The following ATXN10 variants were observed in gnomAD, a reference collection of about 807,000 sequenced individuals.
The protein encoded by ATXN10 is ataxin 10.
ATXN10 carries 28 observed loss-of-function variants against 52.9 expected under a neutral mutation model. That is an observed-to-expected ratio of 0.53 (90% CI 0.39 to 0.73). ATXN10 has a LOEUF of 0.73. Among genes scored for constraint, ATXN10 ranks in the 30% least tolerant of loss-of-function variants. The pLI is 0.00. For missense variants in ATXN10, 565 were observed against 577.0 expected, an observed-to-expected ratio of 0.98 and a Z score of 0.21; for synonymous variants, 226 against 221.5, an observed-to-expected ratio of 1.02 and a Z score of -0.18.
At chr22:45,839,907 C>T (rs958179571) in intron 10 of ATXN10, among the ~76,000 whole-genome samples, 5 of 152,362 alleles carry the variant, frequency 3.3e-5, no homozygotes, top group East Asian at 1.9e-4. Context: ...GCTGCAGTGC[C>T]GCCATGGCCC....
chr22:45,751,759 AAAAAAATAATAAT>A (rs1346933022), intron 9 of ATXN10, among the ~76,000 whole-genome samples: 6 of 58,068 alleles, frequency 1.0e-4, no homozygotes, highest in African/African-American at 3.7e-4. Context: ...AAAAAATAAA[AAAAAAATAATAAT>A]AATAATAATA....
chr22:45,767,869 A>G (rs1054433670), intron 9 of ATXN10, among the ~76,000 whole-genome samples: 9 of 152,226 alleles, frequency 5.9e-5, no homozygotes, highest in Non-Finnish European at 1.2e-4. Context: ...GTTAGTAGCA[A>G]CGTTGGTATT....
At position 45,732,590 on chromosome 22, in the gene ATXN10, A is replaced by G. The variant is rs547015912; in HGVS notation, c.894+3000A>G. Among the ~76,000 whole-genome samples, 1 of 147,178 alleles carries G rather than the reference A, an allele frequency of 6.8e-6. No individual in the cohort carries two copies. Among genetic ancestry groups the G allele is most frequent in the Non-Finnish European group, 1.5e-5 (1 of 66,900 alleles). ...TATGTCATACTTTTTTTTTTTTTTT[A>G]AAAGAGGACCACTTTGCCAGTATTT... is the stretch of plus-strand genomic sequence containing the variant. On this transcript the variant is annotated intron_variant, in intron 7 of 11. Transcript: ENST00000252934. This position sits in a 1 kb window ranked among gnomAD's most constrained non-coding sequence, Gnocchi z 4.5.
At position 45,787,200 on chromosome 22, in the gene ATXN10, A is replaced by G. The variant is rs375197465; in HGVS notation, c.1174-19759A>G. Among the ~76,000 whole-genome samples the G allele has an allele frequency of 3.7e-4, 56 of 152,222 alleles. 1 individual carries two copies. The South Asian group carries it at 0.011, about 30-fold the overall frequency. On this transcript the variant is annotated intron_variant, in intron 9 of 11. Coordinates refer to ENST00000252934, the MANE Select transcript of ATXN10 (RefSeq NM_013236.4). The surrounding 1 kb of genome is among the most constrained non-coding windows in gnomAD (Gnocchi z 4.2). The stretch of plus-strand genomic sequence containing the variant: ...ATATGTGCATTGAAAAACACAGAGA[A>G]TTTTCATGGATAGGATCTGTCCCCA...
chr22:45,714,009 A>C (rs1368790902), intron 5 of ATXN10, among the ~76,000 whole-genome samples: 3 of 152,196 alleles, frequency 2.0e-5, no homozygotes, highest in African/African-American at 7.2e-5. Flanking sequence ...ATAAATTCAT[A>C]AGTGCAATTC....
intron 9 of ATXN10, among the ~76,000 whole-genome samples, chr22:45,799,674 A>C (rs988590331): frequency 2.0e-5 from 3 of 152,214 alleles, no homozygotes; most frequent in African/African-American, 4.8e-5. Flanking sequence ...TCTACCATCC[A>C]GAAGTGTAAA....
At chr22:45,796,917 G>A (rs1927761932) in intron 9 of ATXN10, among the ~76,000 whole-genome samples, 3 of 152,180 alleles carry the variant, frequency 2.0e-5, no homozygotes. Context: ...ACACTTATAA[G>A]AAAGCTGGAG....
chr22:45,753,991 C>G lies in ATXN10; in HGVS notation c.1173+13453C>G, dbSNP rs140402939. 1.4e-3 allele frequency among the ~76,000 whole-genome samples: 209 copies of G among 152,338 alleles called. 1 individual carries two copies. The highest frequency in any genetic ancestry group is 6.8e-3 in the Middle Eastern group (2 of 294). ...CCTGAAAACTCTAGCCTCCAGGAACCTTGTCCTAGTTGGATCCTGCATGCC... is the reference window on the plus strand; with the variant it reads ...CCTGAAAACTCTAGCCTCCAGGAACGTTGTCCTAGTTGGATCCTGCATGCC... On this transcript the variant is annotated intron_variant, in intron 9 of 11. Transcript: ENST00000252934.
chr22:45,716,545 G>A (rs572163188), intron 5 of ATXN10, among the ~76,000 whole-genome samples: 104 of 152,014 alleles, frequency 6.8e-4, no homozygotes, highest in Middle Eastern at 3.4e-3. Flanking sequence ...TCACTATGCT[G>A]TGTTGGCCAG....
At chr22:45,734,180 G>A (rs572818877) in intron 7 of ATXN10, among the ~76,000 whole-genome samples, 117 of 152,174 alleles carry the variant, frequency 7.7e-4, no homozygotes, top group African/African-American at 2.7e-3. Flanking sequence ...GAGTTGAATT[G>A]CTGGGTTGAA....
chr22:45,723,208 A>G (rs1005628501), intron 6 of ATXN10, among the ~76,000 whole-genome samples: 1 of 152,120 alleles, frequency 6.6e-6, no homozygotes, highest in Non-Finnish European at 1.5e-5. Flanking sequence ...ATAGAGATAT[A>G]TATAGATAGG....
chr22:45,731,595 G>A (rs751058864), intron 7 of ATXN10, among the ~76,000 whole-genome samples: 9 of 152,164 alleles, frequency 5.9e-5, no homozygotes, highest in Non-Finnish European at 1.2e-4. Flanking sequence ...CAACACTGGA[G>A]GAGAGGGATT....
At position 45,841,622 on chromosome 22, in the gene ATXN10, G is replaced by T. The variant is rs1929348447; in HGVS notation, c.1238-1369G>T. Among the ~76,000 whole-genome samples the T allele has an allele frequency of 6.6e-6, 1 of 152,210 alleles. No individual in the cohort carries two copies. Among genetic ancestry groups the T allele is most frequent in the Admixed American group, 6.5e-5 (1 of 15,286 alleles). On this transcript the variant is annotated intron_variant, in intron 10 of 11. Transcript: ENST00000252934. This position sits in a 1 kb window ranked among gnomAD's most constrained non-coding sequence, Gnocchi z 5.1. ...TTAAAGCCCCAAAAACACTTCCTGAGCATACAGCTGACTGTGTTTAGTACG... is the reference window on the plus strand; with the variant it reads ...TTAAAGCCCCAAAAACACTTCCTGATCATACAGCTGACTGTGTTTAGTACG...
At chr22:45,672,875 C>T (rs1323903387) in intron 1 of ATXN10, 1 of 152,234 alleles carries the variant, frequency 6.6e-6, no homozygotes. Flanking sequence ...CCTTAGAATT[C>T]TTGTCTAAAA....
At position 45,823,980 on chromosome 22, in the gene ATXN10, G is replaced by A. The variant is rs558727402; in HGVS notation, c.1237+16958G>A. ...GTACTTTTTTGTGAGCTCCTTGAGA[G>A]CAAAGCACATCATGTTTACTTCTTC... On this transcript the variant is annotated intron_variant, in intron 10 of 11. Transcript: ENST00000252934. This position sits in a 1 kb window ranked among gnomAD's most constrained non-coding sequence, Gnocchi z 4.9. 1.9e-4 allele frequency among the ~76,000 whole-genome samples: 29 copies of A among 152,208 alleles called. No individual in the cohort carries two copies. The highest frequency in any genetic ancestry group is 3.8e-4 in the Non-Finnish European group (26 of 68,046).
chr22:45,779,859 A>T (rs542195487), intron 9 of ATXN10, among the ~76,000 whole-genome samples: 22 of 152,190 alleles, frequency 1.4e-4, no homozygotes, highest in Non-Finnish European at 3.2e-4. Flanking sequence ...GAAACATGCC[A>T]TTCTTCTGGG....
chr22:45,823,246 A>G lies in ATXN10; in HGVS notation c.1237+16224A>G, dbSNP rs982721079. The G allele has an allele frequency of 6.5e-6, 3 of 461,398 alleles. No homozygotes were observed. Among genetic ancestry groups the G allele is most frequent in the Admixed American group, 5.0e-5 (2 of 39,622 alleles). The allele number at this position is 461,398 out of a possible 1,614,324, so 28.6% of individuals were successfully genotyped here. On this transcript the variant is annotated intron_variant, in intron 10 of 11. Transcript: ENST00000252934. The surrounding 1 kb of genome is among the most constrained non-coding windows in gnomAD (Gnocchi z 4.9). ...TCTGTTCTGACTTCTATGATGTTTTAATGAATAAAAATTCCCAATTTTAAT... is the reference window on the plus strand; with the variant it reads ...TCTGTTCTGACTTCTATGATGTTTTGATGAATAAAAATTCCCAATTTTAAT...
In ATXN10 at chr22:45,708,995, T is replaced by C. The variant is rs1199223741; in HGVS notation, c.647+6148T>C. On this transcript the variant is annotated intron_variant, in intron 5 of 11. Transcript: ENST00000252934. This position sits in a 1 kb window ranked among gnomAD's most constrained non-coding sequence, Gnocchi z 5.3. ...CAGTTTCACTACAAAAATGAAGTTA[T>C]AACTGGGAGCAAAGCATTCTTTTTT... 6.6e-6 allele frequency among the ~76,000 whole-genome samples: 1 copy of C among 152,252 alleles called. No homozygotes were observed. The highest frequency in any genetic ancestry group is 1.9e-4 in the East Asian group (1 of 5,204).
At chr22:45,799,567 G>A (rs1927866106) in intron 9 of ATXN10, among the ~76,000 whole-genome samples, 1 of 152,148 alleles carries the variant, frequency 6.6e-6, no homozygotes, top group Non-Finnish European at 1.5e-5. Flanking sequence ...ACCAAAGTTT[G>A]CCAGCAAACT....
Sources: allele counts gnomAD v4.1 joint callset (sites outside exome capture counted in the v4.1 genomes callset), GRCh38; gene constraint gnomAD v4.1.1; non-coding constraint Gnocchi (gnomAD v3.1); transcripts MANE v1.5; gene names NCBI Gene and HGNC (gene_info 2026-07-23, HGNC 2026-07-21).